Variants in CHID1 observed in about 807,000 individuals in gnomAD.
The protein encoded by CHID1 is chitinase domain containing 1.
In CHID1, 44 loss-of-function variants were observed where a neutral mutation model predicts 55.4. The observed-to-expected ratio is 0.79, with a 90% confidence interval of 0.62 to 1.02. The LOEUF is 1.02. Ranked by LOEUF, CHID1 falls within the 50% of genes least tolerant of loss-of-function variation. The pLI is 0.00. For missense variants in CHID1, 491 were observed against 515.3 expected (o/e 0.95, Z 0.46); for synonymous variants, 216 against 212.9 (o/e 1.01, Z -0.13).
intron 1 of CHID1, among the ~76,000 whole-genome samples, chr11:909,866 C>A (rs764632222): frequency 3.9e-5 from 6 of 152,112 alleles, no homozygotes; most frequent in Non-Finnish European, 7.4e-5. Context: ...TCAAGACCAG[C>A]CTGGCCAACG....
At chr11:901,177 C>CTTCT (rs149512860) in intron 4 of CHID1, among the ~76,000 whole-genome samples, 197 bp from the exon 5 acceptor site, 2,685 of 152,212 alleles carry the variant, frequency 0.018, 85 homozygotes, top group African/African-American at 0.061. Flanking sequence ...ACTCTCCACC[C>CTTCT]TTCTGGCCAA....
chr11:888,957 G>A (rs28408826), intron 8 of CHID1, among the ~76,000 whole-genome samples: 67,193 of 152,116 alleles, frequency 0.44, 15,616 homozygotes, highest in Admixed American at 0.52. Context: ...CCCTCCAGAC[G>A]GCTGGACGCG....
chr11:882,101 C>T (rs929132099), intron 10 of CHID1, among the ~76,000 whole-genome samples: 1 of 151,956 alleles, frequency 6.6e-6, no homozygotes, highest in Non-Finnish European at 1.5e-5. Flanking sequence ...CCAAGGTGGG[C>T]GGATCATGAG....
chr11:893,522 G>A lies in CHID1; in HGVS notation c.609-3C>T. On this transcript the variant is annotated splice_polypyrimidine_tract_variant and splice_region_variant and intron_variant, in intron 7 of 12. Transcript: ENST00000323578. ...GGGTGAGCATGTGGATGAGGCCCCTGCAAGAACCGAGAGATGGGGTCAGCA... is the reference window on the plus strand; with the variant it reads ...GGGTGAGCATGTGGATGAGGCCCCTACAAGAACCGAGAGATGGGGTCAGCA... The A allele has an allele frequency of 6.5e-7, 1 of 1,547,046 alleles. No homozygotes were observed. Among genetic ancestry groups the A allele is most frequent in the Non-Finnish European group, 8.7e-7 (1 of 1,144,092 alleles).
At chr11:878,422 A>C (rs2134141934) in intron 10 of CHID1, among the ~76,000 whole-genome samples, 1 of 150,724 alleles carries the variant, frequency 6.6e-6, no homozygotes, top group East Asian at 2.0e-4. Flanking sequence ...AAAACAAAAC[A>C]AACCGTGGTG....
chr11:881,163 G>C (rs1265981003), intron 10 of CHID1, among the ~76,000 whole-genome samples: 3 of 152,222 alleles, frequency 2.0e-5, no homozygotes, highest in South Asian at 2.1e-4. Flanking sequence ...TAACATGTTG[G>C]CTGGGCTTGG....
chr11:895,404 G>A (rs1407524619), intron 7 of CHID1, among the ~76,000 whole-genome samples: 1 of 152,156 alleles, frequency 6.6e-6, no homozygotes, highest in East Asian at 1.9e-4. Context: ...ACAGGTGTGA[G>A]TCAGGTCTAC....
intron 8 of CHID1, among the ~76,000 whole-genome samples, chr11:891,548 T>C (rs1479671555): frequency 6.6e-6 from 1 of 152,176 alleles, no homozygotes; most frequent in Non-Finnish European, 1.5e-5. Flanking sequence ...AGAACTGCCC[T>C]GGGCTCCTGA....
intron 1 of CHID1, 90 bp downstream of exon 1, chr11:910,685 G>A (rs1360921370): frequency 7.1e-6 from 9 of 1,265,946 alleles, no homozygotes; most frequent in Non-Finnish European, 8.2e-6. Context: ...TCCCGGGGCC[G>A]AGCCTCGCTG....
intron 10 of CHID1, among the ~76,000 whole-genome samples, chr11:872,941 G>A (rs559653491): frequency 6.6e-6 from 1 of 152,312 alleles, no homozygotes; most frequent in East Asian, 1.9e-4. Context: ...TGAGAGCACT[G>A]GGTGCCTCCC....
chr11:893,869 C>T (rs913609534), intron 7 of CHID1, among the ~76,000 whole-genome samples: 6 of 151,754 alleles, frequency 4.0e-5, no homozygotes, highest in East Asian at 1.9e-4. Flanking sequence ...CGGTGGCTCA[C>T]GCCGGTAATC....
At chr11:895,895 TCCC>T (rs1400061048) in intron 7 of CHID1, among the ~76,000 whole-genome samples, 1 of 151,830 alleles carries the variant, frequency 6.6e-6, no homozygotes. Context: ...TTCCTGCAGC[TCCC>T]CACCTTCCCG....
At chr11:910,200 T>C (rs1411858586) in intron 1 of CHID1, among the ~76,000 whole-genome samples, 1 of 151,722 alleles carries the variant, frequency 6.6e-6, no homozygotes, top group South Asian at 2.1e-4. Context: ...CAGTCAGCAA[T>C]GGAAGCTTCA....
intron 5 of CHID1, 119 bp downstream of exon 5, chr11:900,817 T>A: frequency 1.2e-6 from 1 of 819,116 alleles, no homozygotes; most frequent in Non-Finnish European, 1.9e-6. Context: ...GCGGTCAAAG[T>A]AACCTGTGCC....
intron 8 of CHID1, among the ~76,000 whole-genome samples, chr11:887,664 C>A (rs1241199377): frequency 6.6e-6 from 1 of 152,208 alleles, no homozygotes; most frequent in Non-Finnish European, 1.5e-5. Context: ...GGGGCCTGTC[C>A]CACAGTCCAA....
At chr11:913,655 C>G (rs1852810818), upstream of CHID1, among the ~76,000 whole-genome samples, 1 of 151,658 alleles carries the variant, frequency 6.6e-6, no homozygotes, top group South Asian at 2.1e-4. Flanking sequence ...CACCTATAGT[C>G]CCAGCTACTT....
intron 8 of CHID1, among the ~76,000 whole-genome samples, chr11:889,684 CA>C (rs1409867186): frequency 1.3e-5 from 2 of 152,186 alleles, no homozygotes; most frequent in African/African-American, 4.8e-5. Context: ...CCTGCAGAGC[CA>C]GGCCCCACAG....
chr11:904,640 AAAG>A (rs1168070788), intron 2 of CHID1, 63 bp downstream of exon 2: 11 of 1,589,672 alleles, frequency 6.9e-6, no homozygotes, highest in Non-Finnish European at 9.5e-6. Flanking sequence ...CAGTGGACAG[AAAG>A]AAGAGGATGA....
intron 1 of CHID1, among the ~76,000 whole-genome samples, chr11:907,686 G>A (rs1852343269): frequency 6.6e-6 from 1 of 152,130 alleles, no homozygotes; most frequent in African/African-American, 2.4e-5. Context: ...CACAGCCTGG[G>A]CAGAGGCAGA....
Sources: allele counts gnomAD v4.1 joint callset (sites outside exome capture counted in the v4.1 genomes callset), GRCh38; gene constraint gnomAD v4.1.1; transcripts MANE v1.5; gene names NCBI Gene and HGNC (gene_info 2026-07-23, HGNC 2026-07-21).